The following ZFYVE28 variants were observed in gnomAD, a reference collection of about 807,000 sequenced individuals.
ZFYVE28 encodes the protein lateral signaling target protein 2 homolog.
A neutral mutation model predicts 82.1 loss-of-function variants in ZFYVE28; 40 were observed. That is an observed-to-expected ratio of 0.49 (90% CI 0.38 to 0.63). The LOEUF is 0.63. Among genes scored for constraint, ZFYVE28 ranks in the 30% least tolerant of loss-of-function variants. The pLI, the probability that ZFYVE28 is intolerant of heterozygous loss-of-function variation, is 0.00. For missense variants in ZFYVE28, 1,321 were observed against 1,242.1 expected, an observed-to-expected ratio of 1.06 and a Z score of -0.96; for synonymous variants, 612 against 546.1, an observed-to-expected ratio of 1.12 and a Z score of -1.68.
Position 2,417,230 on chromosome 4 carries a change from C to G in ZFYVE28, c.39+1055G>C. ...CCCGAGCCGTGACCTCCCCCAAGATCTCAGGGCCCGGGCCTCCCCGCTGCG... is the reference window on the plus strand; with the variant it reads ...CCCGAGCCGTGACCTCCCCCAAGATGTCAGGGCCCGGGCCTCCCCGCTGCG... On this transcript the variant is annotated intron_variant, in intron 1 of 12. Coordinates refer to ENST00000290974, the MANE Select transcript of ZFYVE28 (RefSeq NM_020972.3). This position sits in a 1 kb window ranked among gnomAD's most constrained non-coding sequence, Gnocchi z 4.8. Among the ~76,000 whole-genome samples, 1 of 152,200 alleles carries G rather than the reference C, an allele frequency of 6.6e-6. No homozygotes were observed. Among genetic ancestry groups the G allele is most frequent in the East Asian group, 1.9e-4 (1 of 5,188 alleles).
intron 8 of ZFYVE28, among the ~76,000 whole-genome samples, chr4:2,296,583 G>A (rs540164562): frequency 2.6e-4 from 39 of 152,174 alleles, no homozygotes; most frequent in African/African-American, 8.7e-4. Flanking sequence ...GGAAGGTCTC[G>A]GTGTTCCCTG....
At chr4:2,374,535 C>G (rs113162715) in intron 1 of ZFYVE28, among the ~76,000 whole-genome samples, 1 of 152,102 alleles carries the variant, frequency 6.6e-6, no homozygotes, top group Non-Finnish European at 1.5e-5. Context: ...ATCACTTGAG[C>G]CCAGGCAGGT....
chr4:2,383,447 C>T (rs1168849389), intron 1 of ZFYVE28, among the ~76,000 whole-genome samples: 2 of 152,148 alleles, frequency 1.3e-5, no homozygotes, highest in Non-Finnish European at 2.9e-5. Context: ...CCCACAGCCA[C>T]GTGGAACTAC....
rs57325124 is a variant in ZFYVE28, at chr4:2,337,877, T to TACACACACACACACACACACACAC, written c.522-382_522-381insGTGTGTGTGTGTGTGTGTGTGTGT. Among the ~76,000 whole-genome samples, 257 of 151,086 alleles carry TACACACACACACACACACACACAC rather than the reference T, an allele frequency of 1.7e-3. 2 individuals carry two copies. In the East Asian group the frequency reaches 0.045, roughly 27 times the overall value. On this transcript the variant is annotated intron_variant, in intron 4 of 12. Coordinates refer to ENST00000290974, the MANE Select transcript of ZFYVE28 (RefSeq NM_020972.3). ...CAAAGCAAGACCTTTTCTCTTAAAA[T>TACACACACACACACACACACACAC]ACACACACACACCCTACACCACCAT...
rs143805111 is a variant in ZFYVE28 at position 2,275,542 on chromosome 4, T to C, written c.2052-1326A>G. 3.4e-4 allele frequency among the ~76,000 whole-genome samples: 52 copies of C among 152,194 alleles called. No individual in the cohort carries two copies. The East Asian group carries it at 9.9e-3, about 29-fold the overall frequency. Reference sequence around the variant, plus strand: ...CGTGATAATTTTTTTCAGTTGCCACTGGCATCCTGCACGGCCTCTTTTGGA... The same window carrying C: ...CGTGATAATTTTTTTCAGTTGCCACCGGCATCCTGCACGGCCTCTTTTGGA... On this transcript the variant is annotated intron_variant, in intron 8 of 12. Transcript: ENST00000290974.
At chr4:2,402,968 G>A (rs1162328842) in intron 1 of ZFYVE28, among the ~76,000 whole-genome samples, 1 of 152,238 alleles carries the variant, frequency 6.6e-6, no homozygotes, top group East Asian at 1.9e-4. Context: ...AGCACCCTCA[G>A]AAACAGGATC....
chr4:2,379,401 T>C (rs1302635599), intron 1 of ZFYVE28, among the ~76,000 whole-genome samples: 3 of 152,176 alleles, frequency 2.0e-5, no homozygotes, highest in Non-Finnish European at 4.4e-5. Context: ...TAAAGCTCTC[T>C]CCTCTTAACA....
chr4:2,403,975 A>G (rs1256982604), intron 1 of ZFYVE28, among the ~76,000 whole-genome samples: 1,053 of 6,288 alleles, frequency 0.17, 14 homozygotes, highest in African/African-American at 0.33. Flanking sequence ...ATTTCGGAAA[A>G]AAAAAAAAAA....
chr4:2,334,931 G>A (rs369889231), intron 6 of ZFYVE28, among the ~76,000 whole-genome samples: 131 of 147,020 alleles, frequency 8.9e-4, no homozygotes, highest in Middle Eastern at 3.5e-3. Context: ...GTGACCATCC[G>A]CCTGGCAGGG....
At chr4:2,298,281 G>T (rs534946385) in intron 8 of ZFYVE28, among the ~76,000 whole-genome samples, 1 of 151,998 alleles carries the variant, frequency 6.6e-6, no homozygotes, top group African/African-American at 2.4e-5. Flanking sequence ...TGGGAGGAAC[G>T]GCAGAGGATG....
At chr4:2,340,150 C>G (rs1326449947) in intron 3 of ZFYVE28, among the ~76,000 whole-genome samples, 3 of 152,196 alleles carry the variant, frequency 2.0e-5, no homozygotes, top group African/African-American at 7.2e-5. Flanking sequence ...CCCAGCCTAT[C>G]TAGGGAGCCA....
intron 2 of ZFYVE28, among the ~76,000 whole-genome samples, chr4:2,349,263 A>G (rs1342375154): frequency 6.6e-6 from 1 of 151,740 alleles, no homozygotes; most frequent in Non-Finnish European, 1.5e-5. Flanking sequence ...ACACTATTCA[A>G]AAAGAAAATA....
At chr4:2,364,898 C>T in intron 1 of ZFYVE28, 7 of 985,516 alleles carry the variant, frequency 7.1e-6, no homozygotes, top group South Asian at 4.7e-5. Flanking sequence ...CCGGAAGAGG[C>T]GGCGCGGAGG....
Position 2,356,348 on chromosome 4 carries a change from CT to C in ZFYVE28, c.40-2276del, listed in dbSNP as rs1212852712. 2.0e-5 allele frequency among the ~76,000 whole-genome samples: 3 copies of C among 152,222 alleles called. No individual in the cohort carries two copies. In the East Asian group the frequency reaches 5.8e-4, roughly 29 times the overall value. ...AGATGCTGCCTGAGCAACCACTCTG[CT>C]AGGAGCCGATCTGGACCTGGGACAC... On this transcript the variant is annotated intron_variant, in intron 1 of 12. Coordinates refer to ENST00000290974, the MANE Select transcript of ZFYVE28 (RefSeq NM_020972.3).
At chr4:2,321,897 G>A (rs565544558) in intron 6 of ZFYVE28, among the ~76,000 whole-genome samples, 22 of 151,406 alleles carry the variant, frequency 1.5e-4, no homozygotes, top group African/African-American at 5.1e-4. Context: ...CAGCAGGAGT[G>A]GGGGGACAAG....
At chr4:2,303,428 G>A (rs1005994410) in intron 8 of ZFYVE28, among the ~76,000 whole-genome samples, 2 of 152,138 alleles carry the variant, frequency 1.3e-5, no homozygotes, top group Non-Finnish European at 2.9e-5. Context: ...TCCTGGTGGG[G>A]GCTTTTCTGG....
At chr4:2,342,618 T>C (rs1330667801) in intron 2 of ZFYVE28, 1 of 152,216 alleles carries the variant, frequency 6.6e-6, no homozygotes, top group Non-Finnish European at 1.5e-5. Context: ...ATGTTCAAAA[T>C]ATAAAGTATA....
At chr4:2,406,047 C>CAAAAAAAAA (rs766149952) in intron 1 of ZFYVE28, among the ~76,000 whole-genome samples, 1 of 90,478 alleles carries the variant, frequency 1.1e-5, no homozygotes, top group African/African-American at 5.7e-5. Context: ...GATTCTGTCT[C>CAAAAAAAAA]AAAAAAAAAA....
At chr4:2,334,664 C>T (rs572462700) in intron 6 of ZFYVE28, among the ~76,000 whole-genome samples, 10 of 151,130 alleles carry the variant, frequency 6.6e-5, no homozygotes, top group African/African-American at 9.7e-5. Context: ...CACATCTCCA[C>T]GGGCATCTCT....
Sources: allele counts gnomAD v4.1 joint callset (sites outside exome capture counted in the v4.1 genomes callset), GRCh38; gene constraint gnomAD v4.1.1; non-coding constraint Gnocchi (gnomAD v3.1); transcripts MANE v1.5; gene names NCBI Gene and HGNC (gene_info 2026-07-23, HGNC 2026-07-21).